The following THSD4 variants were observed in gnomAD, a reference collection of about 807,000 sequenced individuals.
THSD4 encodes the protein thrombospondin type-1 domain-containing protein 4.
THSD4 carries 69 observed loss-of-function variants against 119.0 expected under a neutral mutation model. That is an observed-to-expected ratio of 0.58 (90% CI 0.48 to 0.71). The LOEUF is 0.71. THSD4 is among the 30% of genes least tolerant of loss of function. THSD4 has a pLI of 0.00. For missense variants in THSD4, 1,393 were observed against 1,391.1 expected (o/e 1.00, Z -0.02); for synonymous variants, 524 against 540.4 (o/e 0.97, Z 0.42).
At chr15:71,272,490 G>T (rs902684729) in intron 6 of THSD4, among the ~76,000 whole-genome samples, 2 of 151,104 alleles carry the variant, frequency 1.3e-5, no homozygotes, top group African/African-American at 2.4e-5. Flanking sequence ...CATAAAATAG[G>T]CCAACAGGTA....
At chr15:71,623,705 C>G (rs990518237) in intron 7 of THSD4, among the ~76,000 whole-genome samples, 1 of 152,098 alleles carries the variant, frequency 6.6e-6, no homozygotes, top group Non-Finnish European at 1.5e-5. Flanking sequence ...GCGGGATCAC[C>G]TGAGGTCAGG....
intron 7 of THSD4, among the ~76,000 whole-genome samples, chr15:71,613,132 T>G (rs1423352141): frequency 1.3e-5 from 2 of 152,148 alleles, no homozygotes; most frequent in Non-Finnish European, 2.9e-5. Flanking sequence ...GCAGAGGTGG[T>G]GAAAAGCAGC....
chr15:71,283,329 A>G (rs2044678994), intron 6 of THSD4, among the ~76,000 whole-genome samples: 2 of 152,194 alleles, frequency 1.3e-5, no homozygotes, highest in South Asian at 4.1e-4. Flanking sequence ...ATGGCCAATG[A>G]GACTAAGAAC....
chr15:71,584,573 C>G (rs1197780463), intron 7 of THSD4, among the ~76,000 whole-genome samples: 1 of 152,006 alleles, frequency 6.6e-6, no homozygotes, highest in Non-Finnish European at 1.5e-5. Flanking sequence ...CCAGCCTTGA[C>G]TTTTTTCACT....
At chr15:71,299,974 A>ATATATAT (rs1285846370) in intron 6 of THSD4, among the ~76,000 whole-genome samples, 64 of 36,662 alleles carry the variant, frequency 1.7e-3, no homozygotes, top group Admixed American at 3.8e-3. Flanking sequence ...AAAAAAAAAA[A>ATATATAT]AAATATATAT....
intron 6 of THSD4, among the ~76,000 whole-genome samples, chr15:71,273,791 T>G (rs758267081): frequency 6.6e-6 from 1 of 152,160 alleles, no homozygotes; most frequent in Non-Finnish European, 1.5e-5. Flanking sequence ...TTAGTTAGCT[T>G]TCTTATTTTG....
At chr15:71,627,949 C>T (rs796073758) in intron 7 of THSD4, among the ~76,000 whole-genome samples, 33 of 152,326 alleles carry the variant, frequency 2.2e-4, no homozygotes, top group African/African-American at 7.7e-4. Flanking sequence ...TATGGACAAC[C>T]TGATAAACGT....
At chr15:71,747,866 G>T (rs1353618836) in intron 13 of THSD4, among the ~76,000 whole-genome samples, 1 of 152,214 alleles carries the variant, frequency 6.6e-6, no homozygotes, top group East Asian at 1.9e-4. Context: ...TAAACAGGAT[G>T]TAAGCCATGA....
At chr15:71,673,824 T>A (rs1337128368) in intron 8 of THSD4, among the ~76,000 whole-genome samples, 2 of 152,202 alleles carry the variant, frequency 1.3e-5, no homozygotes, top group Non-Finnish European at 2.9e-5. Context: ...TGGCAAGATC[T>A]CGGCTCACTG....
chr15:71,463,933 T>C (rs183735251), intron 7 of THSD4, among the ~76,000 whole-genome samples: 3 of 152,342 alleles, frequency 2.0e-5, no homozygotes, highest in Non-Finnish European at 1.5e-5. Context: ...GTGCAAGATA[T>C]GTTTATTCCA....
chr15:71,640,254 T>G lies in THSD4; in HGVS notation c.1153-20276T>G, dbSNP rs369238698. Among the ~76,000 whole-genome samples the G allele has an allele frequency of 1.8e-4, 27 of 151,782 alleles. 1 individual carries two copies. Among genetic ancestry groups the G allele is most frequent in the Admixed American group, 1.2e-3 (18 of 15,230 alleles). On this transcript the variant is annotated intron_variant, in intron 7 of 17. Coordinates refer to ENST00000261862, the MANE Select transcript of THSD4 (RefSeq NM_024817.3). ...CACACTGCTATGCTCAGCTAATTTT[T>G]TTTTTTTGTAGAAATAGGGTTTCAC... is the stretch of plus-strand genomic sequence containing the variant.
chr15:71,272,845 T>C (rs1043964367), intron 6 of THSD4, among the ~76,000 whole-genome samples: 1 of 151,212 alleles, frequency 6.6e-6, no homozygotes, highest in African/African-American at 2.4e-5. Flanking sequence ...GCCTGGGTGA[T>C]AGAATGAGAC....
intron 3 of THSD4, chr15:71,184,101 C>T (rs2043570231): frequency 6.6e-6 from 1 of 151,792 alleles, no homozygotes; most frequent in Non-Finnish European, 1.5e-5. Context: ...AGATCTGCCT[C>T]TTAAACCACA....
chr15:71,365,312 G>A (rs1381005633), intron 6 of THSD4, among the ~76,000 whole-genome samples: 4 of 152,046 alleles, frequency 2.6e-5, no homozygotes, highest in Non-Finnish European at 5.9e-5. Context: ...CTTGCCTTGT[G>A]GTTGTCAGTC....
chr15:71,433,669 G>A (rs2046970223), intron 7 of THSD4, among the ~76,000 whole-genome samples: 1 of 152,050 alleles, frequency 6.6e-6, no homozygotes, highest in South Asian at 2.1e-4. Flanking sequence ...CACATACTAG[G>A]TACAGAGCCC....
chr15:71,381,702 T>C (rs1566962965), intron 6 of THSD4, among the ~76,000 whole-genome samples: 1 of 152,190 alleles, frequency 6.6e-6, no homozygotes, highest in Non-Finnish European at 1.5e-5. Context: ...AAAAGAAAAT[T>C]TGGTTATTTC....
chr15:71,362,075 G>A (rs1156761151), intron 6 of THSD4, among the ~76,000 whole-genome samples: 2 of 152,178 alleles, frequency 1.3e-5, no homozygotes, highest in Admixed American at 1.3e-4. Flanking sequence ...TCAGGAGTTT[G>A]AGACCAGCCT....
intron 7 of THSD4, among the ~76,000 whole-genome samples, chr15:71,651,528 G>A (rs1346334940): frequency 6.6e-6 from 1 of 152,142 alleles, no homozygotes; most frequent in Non-Finnish European, 1.5e-5. Context: ...CGTCCCTGGA[G>A]ATGGCCCAAT....
At chr15:71,261,048 G>A (rs2044391675) in intron 6 of THSD4, among the ~76,000 whole-genome samples, 1 of 152,226 alleles carries the variant, frequency 6.6e-6, no homozygotes, top group Non-Finnish European at 1.5e-5. Context: ...GTTGCGGTGA[G>A]CCGAGATGGC....
Sources: allele counts gnomAD v4.1 joint callset (sites outside exome capture counted in the v4.1 genomes callset), GRCh38; gene constraint gnomAD v4.1.1; transcripts MANE v1.5; gene names NCBI Gene and HGNC (gene_info 2026-07-23, HGNC 2026-07-21).